Variants in DGKB observed in about 807,000 individuals in gnomAD.
DGKB encodes 90 kDa diacylglycerol kinase.
In DGKB, 67 loss-of-function variants were observed where a neutral mutation model predicts 114.3. The observed-to-expected ratio is 0.59, with a 90% CI of 0.48 to 0.72. DGKB has a LOEUF of 0.72. Ranked by LOEUF, DGKB falls within the 30% of genes least tolerant of loss-of-function variation. The probability of loss-of-function intolerance (pLI) is 0.00; values close to 1 mark genes in which losing one functional copy is unlikely to be tolerated. For synonymous variants in DGKB, 398 were observed against 323.1 expected (o/e 1.23, Z -2.49); for missense variants, 907 against 975.2 (o/e 0.93, Z 0.93).
At chr7:14,266,667 C>G (rs1183853901) in intron 23 of DGKB, among the ~76,000 whole-genome samples, 3 of 152,162 alleles carry the variant, frequency 2.0e-5, no homozygotes, top group African/African-American at 7.2e-5. Flanking sequence ...CAACAACACT[C>G]AAAATAAAAT....
chr7:14,441,379 C>G (rs985588421), intron 21 of DGKB, among the ~76,000 whole-genome samples: 1 of 152,012 alleles, frequency 6.6e-6, no homozygotes, highest in African/African-American at 2.4e-5. Context: ...TTTTCATATT[C>G]CAAATAATAA....
intron 13 of DGKB, among the ~76,000 whole-genome samples, chr7:14,640,301 A>T (rs191705300): frequency 8.5e-5 from 13 of 152,356 alleles, no homozygotes; most frequent in African/African-American, 3.1e-4. Context: ...GGCAGAGAAT[A>T]CTAGAATGAA....
intron 14 of DGKB, among the ~76,000 whole-genome samples, chr7:14,628,622 T>C (rs1809088632): frequency 6.6e-6 from 1 of 152,162 alleles, no homozygotes; most frequent in Admixed American, 6.6e-5. Context: ...TGTATGTATA[T>C]ATCTTTCTAT....
At chr7:14,883,292 G>T (rs905015472) in intron 1 of DGKB, among the ~76,000 whole-genome samples, 3 of 151,716 alleles carry the variant, frequency 2.0e-5, no homozygotes, top group Non-Finnish European at 4.4e-5. Context: ...AGTTTTAAGG[G>T]TCTATCTTCC....
At chr7:14,555,433 A>C (rs1392942249) in intron 20 of DGKB, among the ~76,000 whole-genome samples, 5 of 152,134 alleles carry the variant, frequency 3.3e-5, no homozygotes, top group Non-Finnish European at 7.3e-5. Context: ...GTTCAACTGC[A>C]AATTACATTG....
intron 13 of DGKB, among the ~76,000 whole-genome samples, chr7:14,663,051 T>G (rs1817438963): frequency 6.6e-6 from 1 of 151,994 alleles, no homozygotes; most frequent in Admixed American, 6.6e-5. Flanking sequence ...TATTTACAAA[T>G]GGAATACAGA....
rs537325574 is a variant in DGKB, at chr7:14,916,284, G to A, written c.-188+58412C>T. 3.4e-3 allele frequency among the ~76,000 whole-genome samples: 303 copies of A among 90,438 alleles called. 1 individual carries two copies. Among genetic ancestry groups the A allele is most frequent in the Admixed American group, 0.016 (161 of 9,864 alleles). 59.3% of individuals were successfully genotyped at this position (90,438 alleles called of 152,430 possible). A position where few individuals can be genotyped will look rare whatever the true frequency, so the allele number is the denominator to read the frequency against. On this transcript the variant is annotated intron_variant, in intron 1 of 4. Coordinates refer to the DGKB transcript ENST00000437998. Reference sequence around the variant, plus strand: ...AAGTGAAAGCAGTGAAAGAGGGAACGACTTTAAAAAAAGAGCAAGTGCAAT... The same window carrying A: ...AAGTGAAAGCAGTGAAAGAGGGAACAACTTTAAAAAAAGAGCAAGTGCAAT...
At chr7:14,798,443 C>A (rs577620865) in intron 2 of DGKB, among the ~76,000 whole-genome samples, 1 of 125,844 alleles carries the variant, frequency 7.9e-6, no homozygotes, top group African/African-American at 3.9e-5. Context: ...AAAGTGTCCA[C>A]CACCTGGCCT....
At chr7:14,623,707 G>A (rs1808056983) in intron 14 of DGKB, among the ~76,000 whole-genome samples, 1 of 152,124 alleles carries the variant, frequency 6.6e-6, no homozygotes, top group African/African-American at 2.4e-5. Context: ...TTTGGAAAGT[G>A]ATGTGCTTTC....
At chr7:14,714,796 A>T (rs1827934258) in intron 6 of DGKB, among the ~76,000 whole-genome samples, 1 of 152,188 alleles carries the variant, frequency 6.6e-6, no homozygotes, top group African/African-American at 2.4e-5. Context: ...GAATGTCTGA[A>T]ATTAAGTGTG....
At chr7:14,404,136 G>T (rs1171207285) in intron 21 of DGKB, among the ~76,000 whole-genome samples, 2 of 150,816 alleles carry the variant, frequency 1.3e-5, no homozygotes, top group Non-Finnish European at 3.0e-5. Flanking sequence ...TAGTGAGGTT[G>T]GATATCTACT....
At chr7:14,409,045 T>C (rs1824416327) in intron 21 of DGKB, among the ~76,000 whole-genome samples, 1 of 152,134 alleles carries the variant, frequency 6.6e-6, no homozygotes, top group Non-Finnish European at 1.5e-5. Context: ...CATGGCACCA[T>C]TTGCAGCTGA....
intron 4 of DGKB, among the ~76,000 whole-genome samples, chr7:14,747,872 A>G (rs967471776): frequency 6.6e-6 from 1 of 152,130 alleles, no homozygotes; most frequent in Non-Finnish European, 1.5e-5. Flanking sequence ...ATTTAGGGAG[A>G]TAACAGAGAA....
intron 23 of DGKB, among the ~76,000 whole-genome samples, chr7:14,266,088 C>G (rs962930118): frequency 1.3e-5 from 2 of 152,084 alleles, no homozygotes; most frequent in African/African-American, 4.8e-5. Flanking sequence ...GCGGCCTGTT[C>G]CCTGTGCTCG....
At chr7:14,408,706 T>C (rs1824353818) in intron 21 of DGKB, among the ~76,000 whole-genome samples, 1 of 152,138 alleles carries the variant, frequency 6.6e-6, no homozygotes, top group South Asian at 2.1e-4. Context: ...ATCCAAGCTT[T>C]AAAAACAAGC....
intron 21 of DGKB, among the ~76,000 whole-genome samples, chr7:14,373,162 C>T (rs372772531): frequency 1.3e-5 from 2 of 152,174 alleles, no homozygotes; most frequent in Admixed American, 1.3e-4. Flanking sequence ...TGAATAAATA[C>T]AGAAACAGAG....
chr7:14,719,215 C>T (rs972505445), intron 5 of DGKB, among the ~76,000 whole-genome samples: 1 of 152,032 alleles, frequency 6.6e-6, no homozygotes, highest in Non-Finnish European at 1.5e-5. Context: ...GGGACTTGCC[C>T]AGGAGTAAGA....
chr7:14,186,444 TA>T lies in DGKB; in HGVS notation c.2123-8294del, dbSNP rs1164181137. On this transcript the variant is annotated intron_variant, in intron 23 of 25. Transcript: ENST00000402815. Reference sequence around the variant, plus strand: ...GGAATGTAAACTAGCACAGCCACTATAAAAAAACAGTGTGGAGATTCCTTAA... The same window carrying T: ...GGAATGTAAACTAGCACAGCCACTATAAAAAACAGTGTGGAGATTCCTTAA... Among the ~76,000 whole-genome samples the T allele has an allele frequency of 3.3e-5, 5 of 152,242 alleles. No individual in the cohort carries two copies. The East Asian group carries it at 5.8e-4, about 18-fold the overall frequency.
Position 14,698,074 on chromosome 7 carries a change from T to G in DGKB, c.591+21A>C, listed in dbSNP as rs774180304. 5 of 1,407,336 alleles carry G rather than the reference T, an allele frequency of 3.6e-6. No individual in the cohort carries two copies. The South Asian group carries it at 3.8e-5, about 11-fold the overall frequency. 87.2% of individuals were successfully genotyped at this position (1,407,336 alleles called of 1,614,324 possible). A position where few individuals can be genotyped will look rare whatever the true frequency, so the allele number is the denominator to read the frequency against. On this transcript the variant is annotated intron_variant, in intron 8 of 25. Transcript: ENST00000402815. Reference sequence around the variant, plus strand: ...AGGCCTTCCAGAATTTAGCCAATAGTGAAATCATTCATATACCTACTGGAT... The same window carrying G: ...AGGCCTTCCAGAATTTAGCCAATAGGGAAATCATTCATATACCTACTGGAT...
Sources: gnomAD v4.1 joint callset for allele counts (sites outside exome capture counted in the v4.1 genomes callset) on GRCh38, gnomAD v4.1.1 for gene constraint, MANE v1.5 for transcripts, NCBI Gene and HGNC (gene_info 2026-07-23, HGNC 2026-07-21) for gene names.